The following ICE2 variants were observed in gnomAD, a reference collection of about 807,000 sequenced individuals.
The protein encoded by ICE2 is little elongation complex subunit 2.
In ICE2, 87 loss-of-function variants were observed where a neutral mutation model predicts 105.4. The ratio of observed to expected loss-of-function variants is 0.83; its 90% CI spans 0.69 to 0.99. The LOEUF (loss-of-function observed/expected upper bound fraction) is 0.99. ICE2 is among the 50% of genes least tolerant of loss of function. The pLI is 0.00. For synonymous variants in ICE2, 399 were observed against 392.0 expected (o/e 1.02, Z -0.21); for missense variants, 1,323 against 1,146.7 (o/e 1.15, Z -2.22).
At chr15:60,452,128 T>C in intron 9 of ICE2, 1 of 984,934 alleles carries the variant, frequency 1.0e-6, no homozygotes, top group Non-Finnish European at 1.2e-6. Flanking sequence ...CACCTCAATA[T>C]AAGTTTTAGG....
chr15:60,456,150 T>G (rs1463568358), intron 6 of ICE2, among the ~76,000 whole-genome samples: 2 of 151,976 alleles, frequency 1.3e-5, no homozygotes, highest in Non-Finnish European at 2.9e-5. Context: ...TTTAAAAACA[T>G]CAAGTATTTC....
At chr15:60,459,846 G>C (rs545772651) in intron 5 of ICE2, among the ~76,000 whole-genome samples, 4 of 151,938 alleles carry the variant, frequency 2.6e-5, no homozygotes, top group South Asian at 2.1e-4. Flanking sequence ...AACCAACAGA[G>C]AGGGGGACAC....
chr15:60,456,382 A>G (rs1329248133), intron 6 of ICE2, among the ~76,000 whole-genome samples: 1 of 149,276 alleles, frequency 6.7e-6, no homozygotes, highest in African/African-American at 2.5e-5. Flanking sequence ...CACTTCTACT[A>G]AATATACAAA....
chr15:60,431,849 C>A, intron 14 of ICE2, 85 bp downstream of exon 14: 1 of 733,654 alleles, frequency 1.4e-6, no homozygotes, highest in Non-Finnish European at 2.3e-6. Flanking sequence ...TGTCTCTATT[C>A]CTAACAGTAC....
At chr15:60,461,771 A>G (rs185964414) in intron 5 of ICE2, among the ~76,000 whole-genome samples, 1 of 152,294 alleles carries the variant, frequency 6.6e-6, no homozygotes, top group East Asian at 1.9e-4. Flanking sequence ...TCAACCCAGG[A>G]GCATCCATAG....
chr15:60,473,135 G>A (rs2064653826), intron 3 of ICE2, among the ~76,000 whole-genome samples: 1 of 151,932 alleles, frequency 6.6e-6, no homozygotes, highest in African/African-American at 2.4e-5. Context: ...TAGAGACAAG[G>A]TCTTGATATG....
chr15:60,424,128 A>C (rs2063287465), intron 15 of ICE2, among the ~76,000 whole-genome samples: 1 of 152,114 alleles, frequency 6.6e-6, no homozygotes, highest in Non-Finnish European at 1.5e-5. Context: ...AAAAGGAAGG[A>C]GTAATAGGGA....
chr15:60,466,542 C>T (rs185195607), intron 5 of ICE2, 52 bp downstream of exon 5: 1 of 1,592,774 alleles, frequency 6.3e-7, no homozygotes, highest in Non-Finnish European at 8.5e-7. Flanking sequence ...TTTCAGAATG[C>T]TGCTATTGCC....
At chr15:60,450,296 T>G (rs976795524) in intron 9 of ICE2, among the ~76,000 whole-genome samples, 1 of 152,150 alleles carries the variant, frequency 6.6e-6, no homozygotes, top group Admixed American at 6.5e-5. Context: ...TCCAGAGAAG[T>G]GTCGCCAGCT....
Position 60,448,163 on chromosome 15 carries a change from C to T in ICE2, c.2120-18G>A. 6.5e-7 allele frequency: 1 copy of T among 1,545,304 alleles called. No individual in the cohort carries two copies. Among genetic ancestry groups the T allele is most frequent in the Non-Finnish European group, 8.9e-7 (1 of 1,126,864 alleles). On this transcript the variant is annotated intron_variant, in intron 10 of 15. Transcript: ENST00000261520. ...TGGCAATCCTTTAAAAATAGTATTT[C>T]TCATTTTTAAAATACATTAGCTCTT...
intron 9 of ICE2, chr15:60,453,210 T>G (rs557883864): frequency 2.0e-6 from 2 of 997,548 alleles, no homozygotes; most frequent in Non-Finnish European, 2.4e-6. Flanking sequence ...CCAGCCTGGG[T>G]GGCAGGGTGA....
chr15:60,464,135 G>C (rs932176677), intron 5 of ICE2, among the ~76,000 whole-genome samples: 1 of 152,102 alleles, frequency 6.6e-6, no homozygotes, highest in African/African-American at 2.4e-5. Context: ...CTTTGGGATG[G>C]GGATGTAAAA....
chr15:60,470,213 A>C (rs1209393032), intron 3 of ICE2, among the ~76,000 whole-genome samples: 8 of 152,220 alleles, frequency 5.3e-5, no homozygotes, highest in Non-Finnish European at 8.8e-5. Flanking sequence ...TAGACAAGTC[A>C]ATGAAGAAGA....
At chr15:60,460,155 G>C (rs2064234799) in intron 5 of ICE2, among the ~76,000 whole-genome samples, 1 of 152,064 alleles carries the variant, frequency 6.6e-6, no homozygotes, top group Non-Finnish European at 1.5e-5. Flanking sequence ...ATATGGTTTT[G>C]GCATCAAGAC....
Position 60,453,656 on chromosome 15 carries a change from G to C in ICE2, c.1072C>G (p.Pro358Ala), listed in dbSNP as rs764437296. 3 of 1,613,656 alleles carry C rather than the reference G, an allele frequency of 1.9e-6. No individual in the cohort carries two copies. The highest frequency in any genetic ancestry group is 2.5e-6 in the Non-Finnish European group (3 of 1,179,646). ...TTGTCCATAAAGACTGCAGAGACTG[G>C]AACAGATGTGTTTTTGGACATCATA... Reference protein sequence around the residue: ...KFMMSKNTSVPVSAVFMDKPE... With the variant: ...KFMMSKNTSVAVSAVFMDKPE... Residue 358 changes from proline (P) to alanine (A), a missense_variant, in exon 9 of 16, where the codon CCA becomes GCA. By Grantham distance (27) the Pro-to-Ala change is conservative. Transcript: ENST00000261520.
intron 12 of ICE2, 21 bp from the exon 13 acceptor site, chr15:60,436,248 T>C (rs1181330262): frequency 2.0e-6 from 2 of 1,022,922 alleles, no homozygotes; most frequent in Non-Finnish European, 2.8e-6. Context: ...ATATCAAACT[T>C]AGAAAGAAGA....
In ICE2 at chr15:60,447,978, T is replaced by C; in HGVS notation, c.2287A>G (p.Ile763Val). ...TRPRSKKRKK[I>V]RRQFPVYVLP... ...CGCAAATAACAACTTACTCTTCTGATTTTCTTCCGTTTTTTAGAACGTGGT... is the reference window on the plus strand; with the variant it reads ...CGCAAATAACAACTTACTCTTCTGACTTTCTTCCGTTTTTTAGAACGTGGT... Residue 763 changes from isoleucine (I) to valine (V), a missense_variant, in exon 11 of 16, where the codon ATC becomes GTC. Coordinates refer to ENST00000261520, the MANE Select transcript of ICE2 (RefSeq NM_024611.6). The C allele has an allele frequency of 6.2e-7, 1 of 1,607,650 alleles. No individual in the cohort carries two copies. Among genetic ancestry groups the C allele is most frequent in the Non-Finnish European group, 8.5e-7 (1 of 1,177,962 alleles).
In ICE2 at chr15:60,449,457, G is replaced by A. The variant is rs1229987806; in HGVS notation, c.1510C>T (p.Gln504Ter). The change falls in exon 10 of 16, where the codon CAA becomes TAA. Residue 504 changes from glutamine to a stop codon, truncating the protein, a stop_gained. Transcript: ENST00000261520. LOFTEE classifies it high-confidence loss of function. ...KVSNSDKPLIQDSDLKTSDAL... is the reference protein window; with the variant it reads ...KVSNSDKPLI Reference sequence around the variant, plus strand: ...TCAGATGTTTTCAAGTCACTATCTTGTATCAAAGGCTTGTCAGAATTTGAT... The same window carrying A: ...TCAGATGTTTTCAAGTCACTATCTTATATCAAAGGCTTGTCAGAATTTGAT... The A allele has an allele frequency of 6.2e-7, 1 of 1,613,920 alleles. No homozygotes were observed. Among genetic ancestry groups the A allele is most frequent in the African/African-American group, 1.3e-5 (1 of 74,900 alleles).
rs2063579104 is a variant in ICE2 at position 60,436,022 on chromosome 15, C to A, written c.2510+121G>T. ...CAAAACAAAACTGAGTCCAATGAGA[C>A]CTCTATACATAAAAAGACTAAAAGT... On this transcript the variant is annotated intron_variant, in intron 13 of 15. Coordinates refer to ENST00000261520, the MANE Select transcript of ICE2 (RefSeq NM_024611.6). 5 of 479,332 alleles carry A rather than the reference C, an allele frequency of 1.0e-5. No individual in the cohort carries two copies. In the East Asian group the frequency reaches 1.4e-4, roughly 13 times the overall value. 29.7% of individuals were successfully genotyped at this position (479,332 alleles called of 1,614,324 possible).
Sources: allele counts gnomAD v4.1 joint callset (sites outside exome capture counted in the v4.1 genomes callset), GRCh38; gene constraint gnomAD v4.1.1; transcripts MANE v1.5; gene names NCBI Gene and HGNC (gene_info 2026-07-23, HGNC 2026-07-21).